Variants in FRAS1 observed in about 807,000 individuals in gnomAD.
FRAS1 encodes Fraser extracellular matrix complex subunit 1.
FRAS1 carries 290 observed loss-of-function variants against 435.2 expected under a neutral mutation model. That is an observed-to-expected ratio of 0.67 (90% CI 0.61 to 0.73). FRAS1 has a LOEUF of 0.73. FRAS1 is among the 30% of genes least tolerant of loss of function. FRAS1 has a pLI of 0.00. For synonymous variants in FRAS1, 1,800 were observed against 1,851.0 expected, an observed-to-expected ratio of 0.97 and a Z score of 0.71; for missense variants, 4,860 against 5,001.5, an observed-to-expected ratio of 0.97 and a Z score of 0.85.
chr4:78,300,807 C>G (rs1308101115), intron 14 of FRAS1, among the ~76,000 whole-genome samples: 1 of 152,054 alleles, frequency 6.6e-6, no homozygotes, highest in African/African-American at 2.4e-5. Context: ...GCCACAGGGG[C>G]AGCCCTCAGT....
chr4:78,125,334 T>C (rs1047688612), intron 2 of FRAS1, among the ~76,000 whole-genome samples: 1 of 152,246 alleles, frequency 6.6e-6, no homozygotes, highest in African/African-American at 2.4e-5. Context: ...TCTAATTTGA[T>C]TGCACTGTGG....
rs572843184 is a variant in FRAS1 at position 78,142,778 on chromosome 4, A to G, written c.108+76762A>G. 1.9e-4 allele frequency among the ~76,000 whole-genome samples: 29 copies of G among 152,304 alleles called. No individual in the cohort carries two copies. In the South Asian group the frequency reaches 5.8e-3, roughly 31 times the overall value. On this transcript the variant is annotated intron_variant, in intron 2 of 73. Transcript: ENST00000512123. ...GTGTTCTATGTTCCATGCATTGTCTAAGAAGTAGTAAAAATATGAATTTAG... is the reference window on the plus strand; with the variant it reads ...GTGTTCTATGTTCCATGCATTGTCTGAGAAGTAGTAAAAATATGAATTTAG...
intron 2 of FRAS1, among the ~76,000 whole-genome samples, chr4:78,225,007 T>A (rs1724210412): frequency 6.6e-6 from 1 of 152,188 alleles, no homozygotes; most frequent in South Asian, 2.1e-4. Flanking sequence ...ATCCAGTGCA[T>A]GATAAATTGC....
chr4:78,483,678 C>G (rs1187913766), intron 58 of FRAS1, among the ~76,000 whole-genome samples: 3 of 150,472 alleles, frequency 2.0e-5, no homozygotes, highest in African/African-American at 7.3e-5. Context: ...CTTCTTTCTA[C>G]CCCTATCTCC....
intron 15 of FRAS1, among the ~76,000 whole-genome samples, chr4:78,309,291 T>A (rs894120428): frequency 6.6e-6 from 1 of 152,204 alleles, no homozygotes; most frequent in Non-Finnish European, 1.5e-5. Context: ...AGATGATAAG[T>A]CTGTGTTGTT....
chr4:78,152,023 T>G (rs1720685081), intron 2 of FRAS1, among the ~76,000 whole-genome samples: 1 of 152,230 alleles, frequency 6.6e-6, no homozygotes, highest in African/African-American at 2.4e-5. Flanking sequence ...GGAATCAGAC[T>G]TGGTCAACTA....
chr4:78,084,844 G>A (rs1741067698), intron 2 of FRAS1, among the ~76,000 whole-genome samples: 1 of 152,066 alleles, frequency 6.6e-6, no homozygotes, highest in East Asian at 1.9e-4. Flanking sequence ...ACAGTGAACA[G>A]AGCTAAAAAA....
At chr4:78,319,020 C>T in intron 18 of FRAS1, 34 bp downstream of exon 18, 1 of 1,602,910 alleles carries the variant, frequency 6.2e-7, no homozygotes, top group Non-Finnish European at 8.5e-7. Context: ...TAGGTAGCCT[C>T]TGGGCTTATC....
intron 30 of FRAS1, among the ~76,000 whole-genome samples, chr4:78,403,319 T>A (rs1004726254): frequency 6.6e-6 from 1 of 152,196 alleles, no homozygotes; most frequent in Non-Finnish European, 1.5e-5. Flanking sequence ...TTGATAAATA[T>A]CACGTATGCT....
chr4:78,438,416 G>C (rs1227001479), intron 38 of FRAS1, among the ~76,000 whole-genome samples, 154 bp from the exon 39 acceptor site: 2 of 152,152 alleles, frequency 1.3e-5, no homozygotes, highest in Non-Finnish European at 2.9e-5. Flanking sequence ...GATTTTTATT[G>C]TAGTTTGAAA....
intron 2 of FRAS1, among the ~76,000 whole-genome samples, chr4:78,141,608 G>C (rs1028835037): frequency 1.3e-5 from 2 of 152,166 alleles, no homozygotes. Context: ...ACTGAGCATA[G>C]CTTTTAGTAC....
chr4:78,468,513 C>CATCATCATT (rs1306163395), intron 50 of FRAS1, among the ~76,000 whole-genome samples: 2 of 152,130 alleles, frequency 1.3e-5, no homozygotes, highest in Non-Finnish European at 2.9e-5. Flanking sequence ...TCATCATCAT[C>CATCATCATT]ATCATCATTT....
At chr4:78,220,744 ACT>A (rs369052985) in intron 2 of FRAS1, among the ~76,000 whole-genome samples, 34 of 152,208 alleles carry the variant, frequency 2.2e-4, no homozygotes, top group African/African-American at 6.0e-4. Flanking sequence ...GATTGTACCT[ACT>A]CTCTCTCTAG....
chr4:78,188,677 A>T (rs982000756), intron 2 of FRAS1, among the ~76,000 whole-genome samples: 4 of 152,214 alleles, frequency 2.6e-5, no homozygotes, highest in African/African-American at 9.6e-5. Flanking sequence ...TGGGGACTGT[A>T]GCTTAGCCAA....
chr4:78,326,799 G>C (rs957277967), intron 18 of FRAS1, among the ~76,000 whole-genome samples: 1 of 152,130 alleles, frequency 6.6e-6, no homozygotes. Context: ...GAGGCTGAAA[G>C]AAATTTTCAA....
At chr4:78,499,321 G>A (rs760388220) in intron 60 of FRAS1, among the ~76,000 whole-genome samples, 8 of 152,162 alleles carry the variant, frequency 5.3e-5, no homozygotes, top group Non-Finnish European at 1.0e-4. Context: ...TCTCATGAAT[G>A]AAAAGTTGAT....
intron 2 of FRAS1, among the ~76,000 whole-genome samples, chr4:78,084,001 C>T (rs1007441514): frequency 1.3e-5 from 2 of 152,018 alleles, no homozygotes; most frequent in Admixed American, 6.6e-5. Flanking sequence ...GGTTGATTCT[C>T]CCTCACTCCA....
chr4:78,072,175 A>ATT (rs1740391331), intron 2 of FRAS1: 1 of 152,128 alleles, frequency 6.6e-6, no homozygotes, highest in South Asian at 2.1e-4. Context: ...GTTATCCATC[A>ATT]TTTATATTAG....
At chr4:78,237,140 A>C (rs1221754391) in intron 2 of FRAS1, among the ~76,000 whole-genome samples, 1 of 152,050 alleles carries the variant, frequency 6.6e-6, no homozygotes, top group African/African-American at 2.4e-5. Context: ...GTGCTAGTCA[A>C]AAGTGTCATT....
Sources: allele counts gnomAD v4.1 joint callset (sites outside exome capture counted in the v4.1 genomes callset), GRCh38; gene constraint gnomAD v4.1.1; transcripts MANE v1.5; gene names NCBI Gene and HGNC (gene_info 2026-07-23, HGNC 2026-07-21).